The following GUCY1A2 variants were observed in gnomAD, a reference collection of about 807,000 sequenced individuals.
The protein encoded by GUCY1A2 is guanylate cyclase 1 soluble subunit alpha 2, also known as guanylate cyclase soluble subunit alpha-2.
Under a neutral mutation model 63.5 loss-of-function variants are expected in GUCY1A2, and 27 were observed. The observed-to-expected ratio is 0.43, with a 90% confidence interval of 0.31 to 0.59. The LOEUF is 0.59. Among genes scored for constraint, GUCY1A2 ranks in the 20% least tolerant of loss-of-function variants. GUCY1A2 has a pLI of 0.11. For synonymous variants in GUCY1A2, 364 were observed against 343.5 expected, an observed-to-expected ratio of 1.06 and a Z score of -0.66; for missense variants, 768 against 913.3, an observed-to-expected ratio of 0.84 and a Z score of 2.05.
intron 1 of GUCY1A2, among the ~76,000 whole-genome samples, chr11:106,995,594 A>T (rs72996333): frequency 0.16 from 24,843 of 152,230 alleles, 2,142 homozygotes; most frequent in African/African-American, 0.17. Context: ...ATTCCTGAAT[A>T]ACCTTTTCTC....
At chr11:106,752,598 G>A (rs1174649261) in intron 6 of GUCY1A2, among the ~76,000 whole-genome samples, 1 of 151,986 alleles carries the variant, frequency 6.6e-6, no homozygotes, top group Non-Finnish European at 1.5e-5. Context: ...ACTTATGAGT[G>A]AGAATATGCA....
At chr11:106,762,837 C>A (rs1030671841) in intron 6 of GUCY1A2, among the ~76,000 whole-genome samples, 4 of 151,998 alleles carry the variant, frequency 2.6e-5, no homozygotes, top group East Asian at 1.9e-4. Flanking sequence ...TTTCTATAAA[C>A]CCTCATTAGG....
At chr11:106,695,373 G>T (rs1862699319) in intron 7 of GUCY1A2, among the ~76,000 whole-genome samples, 1 of 152,160 alleles carries the variant, frequency 6.6e-6, no homozygotes. Flanking sequence ...AATTTCTGTT[G>T]TTACAAATTA....
At chr11:106,733,683 G>C (rs568306411) in intron 6 of GUCY1A2, among the ~76,000 whole-genome samples, 1 of 150,498 alleles carries the variant, frequency 6.6e-6, no homozygotes, top group Non-Finnish European at 1.5e-5. Flanking sequence ...CGAGCTGACC[G>C]AGTGGTGGGG....
intron 7 of GUCY1A2, among the ~76,000 whole-genome samples, chr11:106,698,054 A>G: frequency 6.6e-6 from 1 of 151,476 alleles, no homozygotes; most frequent in East Asian, 1.9e-4. Context: ...TGGGTCTCTA[A>G]TAATATATAA....
At chr11:106,738,997 CATG>C (rs1374496212) in intron 6 of GUCY1A2, among the ~76,000 whole-genome samples, 2 of 152,134 alleles carry the variant, frequency 1.3e-5, no homozygotes, top group Non-Finnish European at 2.9e-5. Context: ...TGGCCATTTT[CATG>C]ATATTGATTC....
intron 3 of GUCY1A2, among the ~76,000 whole-genome samples, chr11:106,959,416 A>G (rs774049023): frequency 6.6e-6 from 1 of 152,210 alleles, no homozygotes; most frequent in African/African-American, 2.4e-5. Flanking sequence ...ATACTCACAC[A>G]TATTTTATGT....
At chr11:106,897,386 A>G (rs1860065146) in intron 4 of GUCY1A2, among the ~76,000 whole-genome samples, 3 of 152,152 alleles carry the variant, frequency 2.0e-5, no homozygotes. Context: ...CTTGAAATAT[A>G]CAACACGATA....
At chr11:106,823,896 C>T in intron 4 of GUCY1A2, 2 of 344,408 alleles carry the variant, frequency 5.8e-6, no homozygotes, top group Non-Finnish European at 5.2e-6. Context: ...ATGTCCTTTG[C>T]CCACTTTTTT....
chr11:106,718,175 T>C (rs1048249301), intron 6 of GUCY1A2, among the ~76,000 whole-genome samples: 1 of 152,202 alleles, frequency 6.6e-6, no homozygotes, highest in Non-Finnish European at 1.5e-5. Flanking sequence ...GCACCATTCA[T>C]AGATAAATTT....
At chr11:106,827,549 C>G in intron 4 of GUCY1A2, 1 of 1,457,518 alleles carries the variant, frequency 6.9e-7, no homozygotes, top group Non-Finnish European at 9.6e-7. Context: ...TTTGGTTTAG[C>G]TCCAGCACAC....
At chr11:106,892,124 T>A (rs756080910) in intron 4 of GUCY1A2, among the ~76,000 whole-genome samples, 2 of 152,110 alleles carry the variant, frequency 1.3e-5, no homozygotes, top group African/African-American at 4.8e-5. Context: ...GGTATTGGCA[T>A]CCTAAGTATT....
At position 106,779,874 on chromosome 11, in the gene GUCY1A2, C is replaced by T. The variant is rs546638186; in HGVS notation, c.1693-3292G>A. ...AATATGACAAATTCATATTACAATC[C>T]GTACATGATTGTATAAAACTTTAAG... On this transcript the variant is annotated intron_variant, in intron 5 of 7. Coordinates refer to ENST00000526355, the MANE Select transcript of GUCY1A2 (RefSeq NM_000855.3). Among the ~76,000 whole-genome samples the T allele has an allele frequency of 7.2e-5, 11 of 152,158 alleles. No individual in the cohort carries two copies. In the South Asian group the frequency reaches 1.9e-3, roughly 26 times the overall value.
chr11:107,006,968 GA>G (rs1457180344), intron 1 of GUCY1A2, among the ~76,000 whole-genome samples: 2 of 152,134 alleles, frequency 1.3e-5, no homozygotes, highest in Admixed American at 6.5e-5. Context: ...ACCTTTTTAA[GA>G]AGGAAAATAT....
intron 4 of GUCY1A2, among the ~76,000 whole-genome samples, chr11:106,937,758 C>T (rs1224827481): frequency 1.3e-5 from 2 of 152,150 alleles, no homozygotes; most frequent in African/African-American, 4.8e-5. Flanking sequence ...GTATTTAAAA[C>T]ATCATATGAT....
At chr11:106,742,364 C>T (rs1354540033) in intron 6 of GUCY1A2, among the ~76,000 whole-genome samples, 3 of 152,142 alleles carry the variant, frequency 2.0e-5, no homozygotes, top group East Asian at 3.9e-4. Context: ...TGAAGGGCCC[C>T]ACTGTGGGTT....
chr11:106,747,049 G>T (rs1486149704), intron 6 of GUCY1A2, among the ~76,000 whole-genome samples: 1 of 152,112 alleles, frequency 6.6e-6, no homozygotes, highest in Admixed American at 6.6e-5. Flanking sequence ...GTACAGTGGC[G>T]CAATCTTGGC....
intron 2 of GUCY1A2, among the ~76,000 whole-genome samples, chr11:106,984,887 T>C (rs143286800): frequency 0.013 from 1,974 of 152,286 alleles, 42 homozygotes; most frequent in African/African-American, 0.045. Context: ...CTAAAAGCCA[T>C]CTCATGAGTT....
chr11:106,925,060 T>C (rs1478020498), intron 4 of GUCY1A2, among the ~76,000 whole-genome samples: 1 of 152,030 alleles, frequency 6.6e-6, no homozygotes, highest in African/African-American at 2.4e-5. Context: ...TTAATAATCA[T>C]AATCTTTGAA....
Sources: gnomAD v4.1 joint callset for allele counts (sites outside exome capture counted in the v4.1 genomes callset) on GRCh38, gnomAD v4.1.1 for gene constraint, MANE v1.5 for transcripts, NCBI Gene and HGNC (gene_info 2026-07-23, HGNC 2026-07-21) for gene names.